RIMBP2: variants seen among roughly 807,000 people sequenced by gnomAD.
RIMBP2 encodes RIMS binding protein 2, also known as RIMS-binding protein 2.
RIMBP2 carries 48 observed loss-of-function variants against 118.6 expected under a neutral mutation model. The observed-to-expected ratio is 0.40, with a 90% CI of 0.32 to 0.51. The LOEUF (loss-of-function observed/expected upper bound fraction) is 0.51. RIMBP2 is among the 20% of genes least tolerant of loss of function. The pLI is 0.41. For synonymous variants in RIMBP2, 762 were observed against 742.9 expected (o/e 1.03, Z -0.42); for missense variants, 1,551 against 1,768.3 (o/e 0.88, Z 2.20).
chr12:130,640,421 G>A (rs560585887), intron 1 of RIMBP2, among the ~76,000 whole-genome samples: 7 of 152,250 alleles, frequency 4.6e-5, no homozygotes, highest in Admixed American at 1.3e-4. Flanking sequence ...TTTTCAAACC[G>A]AAGTTCAGTG....
In RIMBP2 at chr12:130,622,539, G is replaced by C. The variant is rs2061382885; in HGVS notation, c.-217+5783C>G. ...GATGGAGTCTCACTTTGTTGCCCAG[G>C]GTGGTCCCAAACTCCTGGACTCAAG... On this transcript the variant is annotated intron_variant, in intron 2 of 22. Coordinates refer to ENST00000690449, the MANE Select transcript of RIMBP2 (RefSeq NM_001393629.1). The surrounding 1 kb of genome is among the most constrained non-coding windows in gnomAD (Gnocchi z 8.5). Among the ~76,000 whole-genome samples, 1 of 151,666 alleles carries C rather than the reference G, an allele frequency of 6.6e-6. No individual in the cohort carries two copies. Among genetic ancestry groups the C allele is most frequent in the African/African-American group, 2.4e-5 (1 of 41,258 alleles).
At position 130,424,298 on chromosome 12, in the gene RIMBP2, G is replaced by T. The variant is rs777258467; in HGVS notation, c.2973C>A (p.Pro991=). Residue 991 remains proline, a synonymous_variant, in exon 16 of 23, where the codon CCC becomes CCA. Transcript: ENST00000690449. This position sits in a 1 kb window ranked among gnomAD's most constrained non-coding sequence, Gnocchi z 9.8. The part of the protein sequence containing the change: ...GGLLRNDDPQ[P]GPERPPPRKH... ...TCCTGGGGGGCGGCCTCTCCGGGCC[G>T]GGCTGGGGGTCGTCGTTCCTGAGGA... 1.6e-6 allele frequency: 2 copies of T among 1,231,456 alleles called. No homozygotes were observed. Among genetic ancestry groups the T allele is most frequent in the Non-Finnish European group, 2.0e-6 (2 of 987,806 alleles). The allele number at this position is 1,231,456 out of a possible 1,614,324, so 76.3% of individuals were successfully genotyped here. A position where few individuals can be genotyped will look rare whatever the true frequency, so the allele number is the denominator to read the frequency against.
chr12:130,648,717 C>T (rs1398569912), intron 1 of RIMBP2, among the ~76,000 whole-genome samples: 1 of 140,368 alleles, frequency 7.1e-6, no homozygotes, highest in African/African-American at 2.5e-5. Flanking sequence ...AGTGCAGTGG[C>T]GCGATCTCGG....
intron 2 of RIMBP2, among the ~76,000 whole-genome samples, chr12:130,603,595 T>A (rs2140459109): frequency 6.6e-6 from 1 of 152,300 alleles, no homozygotes; most frequent in South Asian, 2.1e-4. Flanking sequence ...AGTACAGGCA[T>A]AAGATACACT....
chr12:130,524,054 T>C (rs1243241103), intron 2 of RIMBP2, among the ~76,000 whole-genome samples: 1 of 152,106 alleles, frequency 6.6e-6, no homozygotes, highest in African/African-American at 2.4e-5. Flanking sequence ...CCTCGCAGCC[T>C]CTGCTCTGCT....
At chr12:130,648,040 C>CATGTGAACACACGTGAGCACACA (rs1293962289) in intron 1 of RIMBP2, among the ~76,000 whole-genome samples, 1 of 145,842 alleles carries the variant, frequency 6.9e-6, no homozygotes, top group African/African-American at 2.5e-5. Flanking sequence ...TGTGTACACA[C>CATGTGAACACACGTGAGCACACA]CCGCCTCACG....
At chr12:130,531,686 G>A (rs2139336803) in intron 2 of RIMBP2, among the ~76,000 whole-genome samples, 1 of 152,286 alleles carries the variant, frequency 6.6e-6, no homozygotes, top group Non-Finnish European at 1.5e-5. Flanking sequence ...ACTCACCTAG[G>A]AATAGAACAG....
At chr12:130,707,195 C>T (rs534927664) in intron 1 of RIMBP2, among the ~76,000 whole-genome samples, 192 of 152,148 alleles carry the variant, frequency 1.3e-3, no homozygotes, top group African/African-American at 4.3e-3. Context: ...CCCGGAAAGA[C>T]GCAGACACAC....
intron 1 of RIMBP2, chr12:130,667,545 A>C (rs1036398162): frequency 1.3e-5 from 2 of 152,246 alleles, no homozygotes; most frequent in Non-Finnish European, 2.9e-5. Flanking sequence ...GAAAGGGATG[A>C]AGCTTCCAGC....
At chr12:130,572,988 G>A (rs928694794) in intron 2 of RIMBP2, among the ~76,000 whole-genome samples, 4 of 152,216 alleles carry the variant, frequency 2.6e-5, no homozygotes, top group African/African-American at 9.6e-5. Flanking sequence ...CGGCAGCTGC[G>A]AGTGACGAAG....
intron 3 of RIMBP2, among the ~76,000 whole-genome samples, chr12:130,517,538 A>G (rs1470448171): frequency 2.0e-5 from 3 of 151,980 alleles, no homozygotes; most frequent in Non-Finnish European, 2.9e-5. Context: ...CACTGGGGAG[A>G]AAGTGGTTTG....
At chr12:130,600,684 A>G (rs1593983515) in intron 2 of RIMBP2, among the ~76,000 whole-genome samples, 1 of 152,346 alleles carries the variant, frequency 6.6e-6, no homozygotes, top group South Asian at 2.1e-4. Context: ...ACACTGCCAT[A>G]AACTTCTCCC....
chr12:130,579,652 A>C (rs1466935026), intron 2 of RIMBP2, among the ~76,000 whole-genome samples: 1 of 152,112 alleles, frequency 6.6e-6, no homozygotes. Context: ...AGGGACCCCC[A>C]GCACACTCCC....
chr12:130,422,475 C>T lies in RIMBP2; in HGVS notation c.3216G>A (p.Arg1072=). The T allele has an allele frequency of 6.2e-7, 1 of 1,612,458 alleles. No homozygotes were observed. Among genetic ancestry groups the T allele is most frequent in the Non-Finnish European group, 8.5e-7 (1 of 1,178,828 alleles). Residue 1072 remains arginine, a synonymous_variant, in exon 17 of 23, where the codon CGG becomes CGA. Transcript: ENST00000690449. The surrounding 1 kb of genome is among the most constrained non-coding windows in gnomAD (Gnocchi z 5.2). ...PRGSAGPQRS[R]PVTVPSIDDY... is the part of the protein sequence containing the mutation. ...AACCGATGGATGGGACTGTCACGGG[C>T]CGGGACCTCTGAGGACCAGCGCTGC...
In RIMBP2 at chr12:130,622,066, G is replaced by A. The variant is rs1439418214; in HGVS notation, c.-217+6256C>T. On this transcript the variant is annotated intron_variant, in intron 2 of 22. Transcript: ENST00000690449. The surrounding 1 kb of genome is among the most constrained non-coding windows in gnomAD (Gnocchi z 8.5). Reference sequence around the variant, plus strand: ...TACATAATTGCTTTAGTCATGAAGAGTAACGACATTAAGAGCCATTTTAAC... The same window carrying A: ...TACATAATTGCTTTAGTCATGAAGAATAACGACATTAAGAGCCATTTTAAC... Among the ~76,000 whole-genome samples the A allele has an allele frequency of 6.6e-6, 1 of 152,244 alleles. No homozygotes were observed. Among genetic ancestry groups the A allele is most frequent in the Non-Finnish European group, 1.5e-5 (1 of 68,042 alleles).
At chr12:130,539,209 T>G (rs1416313878) in intron 2 of RIMBP2, among the ~76,000 whole-genome samples, 3 of 152,244 alleles carry the variant, frequency 2.0e-5, no homozygotes, top group Non-Finnish European at 4.4e-5. Flanking sequence ...ATGTTTATAT[T>G]ACTTGTTTCC....
Position 130,437,303 on chromosome 12 carries a change from C to T in RIMBP2, c.1657-12G>A, listed in dbSNP as rs1345947567. ...ATGACTTCAGCCACCTGTGGACAAGCAGAGCTGGCTCGCGGGCTGCCCGAG... is the reference window on the plus strand; with the variant it reads ...ATGACTTCAGCCACCTGTGGACAAGTAGAGCTGGCTCGCGGGCTGCCCGAG... On this transcript the variant is annotated splice_polypyrimidine_tract_variant and intron_variant, in intron 12 of 22. Transcript: ENST00000690449. 1.3e-6 allele frequency: 2 copies of T among 1,564,746 alleles called. No individual in the cohort carries two copies. The highest frequency in any genetic ancestry group is 2.3e-5 in the East Asian group (1 of 43,070).
chr12:130,631,482 T>C (rs931813198), intron 1 of RIMBP2, among the ~76,000 whole-genome samples: 2 of 152,118 alleles, frequency 1.3e-5, no homozygotes, highest in African/African-American at 2.4e-5. Flanking sequence ...CTGTGCACTA[T>C]GGGGTGTTTA....
At chr12:130,693,769 C>T (rs1475665219) in intron 1 of RIMBP2, among the ~76,000 whole-genome samples, 4 of 152,218 alleles carry the variant, frequency 2.6e-5, no homozygotes, top group African/African-American at 4.8e-5. Flanking sequence ...CACTGAAAGG[C>T]GTCGTTCCCA....
Sources: allele counts gnomAD v4.1 joint callset (sites outside exome capture counted in the v4.1 genomes callset), GRCh38; gene constraint gnomAD v4.1.1; non-coding constraint Gnocchi (gnomAD v3.1); transcripts MANE v1.5; gene names NCBI Gene and HGNC (gene_info 2026-07-23, HGNC 2026-07-21).